Variants in MARCHF4 observed in about 807,000 individuals in gnomAD.
The protein encoded by MARCHF4 is membrane associated ring-CH-type finger 4.
A neutral mutation model predicts 43.9 loss-of-function variants in MARCHF4; 14 were observed. The observed-to-expected ratio is 0.32, with a 90% CI of 0.21 to 0.50. MARCHF4 has a LOEUF of 0.50. MARCHF4 is among the 20% of genes least tolerant of loss of function. The probability of loss-of-function intolerance (pLI) is 0.98; values close to 1 mark genes in which losing one functional copy is unlikely to be tolerated. For missense variants in MARCHF4, 468 were observed against 536.7 expected, an observed-to-expected ratio of 0.87 and a Z score of 1.27; for synonymous variants, 226 against 213.3, an observed-to-expected ratio of 1.06 and a Z score of -0.52.
intron 1 of MARCHF4, among the ~76,000 whole-genome samples, chr2:216,319,999 G>T (rs115430901): frequency 0.016 from 2,510 of 152,258 alleles, 23 homozygotes; most frequent in South Asian, 0.029. Context: ...ATGTTTCTGT[G>T]AGTTTAGAAG....
intron 1 of MARCHF4, among the ~76,000 whole-genome samples, chr2:216,324,086 A>C (rs1388382571): frequency 1.3e-4 from 20 of 150,782 alleles, no homozygotes; most frequent in Admixed American, 1.3e-3. Flanking sequence ...ATAAAGAAAA[A>C]AAGAGAGAAG....
intron 1 of MARCHF4, among the ~76,000 whole-genome samples, chr2:216,288,837 A>G (rs1359614801): frequency 1.3e-5 from 2 of 152,120 alleles, no homozygotes; most frequent in African/African-American, 4.8e-5. Context: ...ATTAAGAAGC[A>G]GCAGATTTAG....
chr2:216,307,656 T>G (rs1307646702), intron 1 of MARCHF4, among the ~76,000 whole-genome samples: 1 of 152,228 alleles, frequency 6.6e-6, no homozygotes. Context: ...TCCTGAGCCC[T>G]GCCCGCTTGG....
chr2:216,305,505 T>C (rs769280790), intron 1 of MARCHF4, among the ~76,000 whole-genome samples: 4 of 152,024 alleles, frequency 2.6e-5, no homozygotes, highest in Non-Finnish European at 5.9e-5. Flanking sequence ...AAGACAAAAA[T>C]TTCAGAGGCA....
intron 1 of MARCHF4, among the ~76,000 whole-genome samples, chr2:216,309,536 C>G (rs541402848): frequency 6.6e-6 from 1 of 152,306 alleles, no homozygotes; most frequent in Admixed American, 6.5e-5. Context: ...TCAGAAGACT[C>G]CTACCCTGGG....
At chr2:216,311,784 C>T (rs138342014) in intron 1 of MARCHF4, among the ~76,000 whole-genome samples, 17 of 152,222 alleles carry the variant, frequency 1.1e-4, no homozygotes, top group African/African-American at 3.4e-4. Flanking sequence ...AGCCCAGAAA[C>T]GACTTAGCCA....
At chr2:216,291,206 AG>A (rs1409504681) in intron 1 of MARCHF4, among the ~76,000 whole-genome samples, 1 of 152,202 alleles carries the variant, frequency 6.6e-6, no homozygotes, top group Admixed American at 6.5e-5. Context: ...AGATGGCAAG[AG>A]GACATTTTTC....
chr2:216,347,723 T>A (rs1692342932), intron 1 of MARCHF4, among the ~76,000 whole-genome samples: 1 of 149,282 alleles, frequency 6.7e-6, no homozygotes, highest in African/African-American at 2.5e-5. Flanking sequence ...CAAGACTCCG[T>A]CTCAAAAAAA....
intron 1 of MARCHF4, among the ~76,000 whole-genome samples, chr2:216,332,765 A>G (rs1169920161): frequency 6.6e-6 from 1 of 152,206 alleles, no homozygotes; most frequent in Non-Finnish European, 1.5e-5. Context: ...TATTAAGACT[A>G]ATGATATAGC....
intron 1 of MARCHF4, among the ~76,000 whole-genome samples, chr2:216,330,489 T>A (rs968157161): frequency 6.6e-6 from 1 of 152,272 alleles, no homozygotes; most frequent in East Asian, 1.9e-4. Flanking sequence ...ATATGAAAGA[T>A]CTGAAAAACA....
At chr2:216,328,759 C>T (rs1436964601) in intron 1 of MARCHF4, among the ~76,000 whole-genome samples, 4 of 152,168 alleles carry the variant, frequency 2.6e-5, no homozygotes, top group African/African-American at 4.8e-5. Flanking sequence ...TATGATAGGC[C>T]GGGTGCAGAG....
intron 1 of MARCHF4, among the ~76,000 whole-genome samples, chr2:216,342,868 A>T (rs1692257579): frequency 1.3e-5 from 2 of 151,964 alleles, no homozygotes; most frequent in South Asian, 4.2e-4. Context: ...TGGGGCCACC[A>T]GCTGGTAGGT....
In MARCHF4 at chr2:216,369,814, T is replaced by C. The variant is rs142400873; in HGVS notation, c.447A>G (p.Ser149=). The change falls in exon 1 of 4, where the codon TCA becomes TCG. Residue 149 remains serine, a synonymous_variant. Transcript: ENST00000273067. ...FCKEKTEDRY[S]LGSSLDSGMR... Reference sequence around the variant, plus strand: ...TACCACTGTCCAAGCTGCTGCCCAGTGAGTAGCGATCCTCGGTCTTCTCCT... The same window carrying C: ...TACCACTGTCCAAGCTGCTGCCCAGCGAGTAGCGATCCTCGGTCTTCTCCT... 2 of 1,613,648 alleles carry C rather than the reference T, an allele frequency of 1.2e-6. No individual in the cohort carries two copies. The highest frequency in any genetic ancestry group is 1.7e-5 in the Admixed American group (1 of 60,006).
intron 1 of MARCHF4, among the ~76,000 whole-genome samples, chr2:216,322,812 G>A (rs563693105): frequency 4.6e-5 from 7 of 152,266 alleles, no homozygotes; most frequent in South Asian, 4.1e-4. Context: ...GCGACAGAGC[G>A]AGACTCCGTC....
chr2:216,259,729 T>C, intron 3 of MARCHF4, 50 bp from the exon 4 acceptor site: 1 of 1,565,990 alleles, frequency 6.4e-7, no homozygotes. Flanking sequence ...AGGAAGTGGG[T>C]CACGGCCAGG....
In MARCHF4 at chr2:216,259,441, G is replaced by T. The variant is rs752120602; in HGVS notation, c.1104C>A (p.Pro368=). Residue 368 remains proline (P), a synonymous_variant, in exon 4 of 4, where the codon CCC becomes CCA. Coordinates refer to ENST00000273067, the MANE Select transcript of MARCHF4 (RefSeq NM_020814.3). The stretch of plus-strand genomic sequence containing the variant: ...AGTGGTGATGGGACAGAGGGCCTGA[G>T]GGGTGGCCGGCAGCCTGGGCAGGGC... ...EQGPAQAAGH[P]SGPLSHHHCA... is the part of the protein sequence containing the mutation. 5.0e-6 allele frequency: 8 copies of T among 1,614,018 alleles called. No homozygotes were observed. In the East Asian group the frequency reaches 1.8e-4, roughly 36 times the overall value.
intron 1 of MARCHF4, among the ~76,000 whole-genome samples, chr2:216,335,842 T>A (rs547035247): frequency 2.1e-4 from 32 of 151,860 alleles, no homozygotes; most frequent in Admixed American, 4.6e-4. Context: ...CCGAGGCAGG[T>A]GGATCACTTG....
chr2:216,297,561 G>T (rs901000802), intron 1 of MARCHF4, among the ~76,000 whole-genome samples: 4 of 152,104 alleles, frequency 2.6e-5, no homozygotes, highest in Admixed American at 2.0e-4. Context: ...GCCCAGGCTG[G>T]AGTGCAGTGG....
chr2:216,258,507 G>GGTGTGTGTGTGTGTGTGT lies in MARCHF4; in HGVS notation c.*787_*804dup, dbSNP rs61382542. On this transcript the variant is annotated 3_prime_UTR_variant, in exon 4 of 4. Transcript: ENST00000273067. ...CTGGAAATCTGTACTTTTCTCTAGG[G>GGTGTGTGTGTGTGTGTGT]GTGTGTGTGTGTGTGTGTGTGTGTG... 1.4e-5 allele frequency: 2 copies of GGTGTGTGTGTGTGTGTGT among 145,150 alleles called. No homozygotes were observed. Among genetic ancestry groups the GGTGTGTGTGTGTGTGTGT allele is most frequent in the African/African-American group, 2.6e-5 (1 of 38,814 alleles). The allele number at this position is 145,150 out of a possible 1,614,324, so 9.0% of individuals were successfully genotyped here. A position where few individuals can be genotyped will look rare whatever the true frequency, so the allele number is the denominator to read the frequency against.
Sources: gnomAD v4.1 joint callset for allele counts (sites outside exome capture counted in the v4.1 genomes callset) on GRCh38, gnomAD v4.1.1 for gene constraint, MANE v1.5 for transcripts, NCBI Gene and HGNC (gene_info 2026-07-23, HGNC 2026-07-21) for gene names.